Variants in ATF6 observed in about 807,000 individuals in gnomAD.
ATF6 encodes activating transcription factor 6, also known as cyclic AMP-dependent transcription factor ATF-6 alpha.
A neutral mutation model predicts 83.6 loss-of-function variants in ATF6; 53 were observed. The observed-to-expected ratio is 0.63, with a 90% CI of 0.51 to 0.80. The LOEUF is 0.80. Ranked by LOEUF, ATF6 falls within the 30% of genes least tolerant of loss-of-function variation. ATF6 has a pLI of 0.00. For synonymous variants in ATF6, 288 were observed against 285.8 expected, an observed-to-expected ratio of 1.01 and a Z score of -0.08; for missense variants, 744 against 797.9, an observed-to-expected ratio of 0.93 and a Z score of 0.81.
intron 14 of ATF6, among the ~76,000 whole-genome samples, chr1:161,866,052 G>A (rs1206533137): frequency 6.6e-6 from 1 of 152,096 alleles, no homozygotes; most frequent in Admixed American, 6.5e-5. Context: ...GAAGGATGTA[G>A]ACTTTTTCTC....
At chr1:161,914,380 T>TTA (rs1226051151) in intron 15 of ATF6, among the ~76,000 whole-genome samples, 1 of 152,126 alleles carries the variant, frequency 6.6e-6, no homozygotes, top group Admixed American at 6.5e-5. Context: ...ACATCACACT[T>TTA]TACTCCTCTA....
chr1:161,768,130 C>T (rs751417385), intron 1 of ATF6, among the ~76,000 whole-genome samples: 2 of 152,214 alleles, frequency 1.3e-5, no homozygotes, highest in Non-Finnish European at 2.9e-5. Flanking sequence ...GCTGGGATTA[C>T]GGGTGTGAGC....
rs532073949 is a variant in ATF6 at position 161,871,904 on chromosome 1, T to A, written c.1719+8592T>A. 2.0e-5 allele frequency among the ~76,000 whole-genome samples: 3 copies of A among 151,672 alleles called. No homozygotes were observed. In the South Asian group the frequency reaches 6.2e-4, roughly 31 times the overall value. On this transcript the variant is annotated intron_variant, in intron 14 of 15. Coordinates refer to ENST00000367942, the MANE Select transcript of ATF6 (RefSeq NM_007348.4). ...AGCTGTAGTATTGCTTTAAACTCTTTGAAGTTACTAAGTGATTCAATCTAG... is the reference window on the plus strand; with the variant it reads ...AGCTGTAGTATTGCTTTAAACTCTTAGAAGTTACTAAGTGATTCAATCTAG...
At chr1:161,865,499 G>T (rs1253743176) in intron 14 of ATF6, among the ~76,000 whole-genome samples, 3 of 152,152 alleles carry the variant, frequency 2.0e-5, no homozygotes, top group African/African-American at 7.2e-5. Flanking sequence ...AAAAGACAGT[G>T]AATGGCGGTT....
chr1:161,880,292 G>A (rs1687294464), intron 14 of ATF6, among the ~76,000 whole-genome samples: 1 of 151,834 alleles, frequency 6.6e-6, no homozygotes, highest in African/African-American at 2.4e-5. Context: ...ATAATAAACT[G>A]CACATATTTA....
At chr1:161,929,516 G>A (rs936118889) in intron 15 of ATF6, among the ~76,000 whole-genome samples, 4 of 152,196 alleles carry the variant, frequency 2.6e-5, no homozygotes, top group African/African-American at 7.2e-5. Flanking sequence ...TAGTTACAAG[G>A]AAGTCTGGGA....
intron 14 of ATF6, among the ~76,000 whole-genome samples, chr1:161,893,905 C>G (rs1687614446): frequency 1.3e-5 from 2 of 152,188 alleles, no homozygotes; most frequent in African/African-American, 4.8e-5. Context: ...TAAATTTTCT[C>G]CAATCCCTGG....
At chr1:161,879,743 C>T (rs1687286586) in intron 14 of ATF6, among the ~76,000 whole-genome samples, 1 of 152,060 alleles carries the variant, frequency 6.6e-6, no homozygotes, top group South Asian at 2.1e-4. Context: ...CTGACATCAT[C>T]AGGCATCTTT....
intron 1 of ATF6, among the ~76,000 whole-genome samples, chr1:161,774,306 A>G (rs1473045516): frequency 1.3e-5 from 2 of 152,010 alleles, no homozygotes; most frequent in African/African-American, 2.4e-5. Context: ...AAGAGGGGCA[A>G]GGGCAGAAGC....
At chr1:161,918,601 T>C (rs1035912465) in intron 15 of ATF6, among the ~76,000 whole-genome samples, 6 of 152,180 alleles carry the variant, frequency 3.9e-5, no homozygotes, top group African/African-American at 9.7e-5. Flanking sequence ...TACCTATTTA[T>C]TGAAAGAGCA....
At position 161,802,123 on chromosome 1, in the gene ATF6, C is replaced by T. The variant is rs1489902575; in HGVS notation, c.760C>T (p.Pro254Ser). The change falls in exon 7 of 16, where the codon CCA becomes TCA. Residue 254 changes from proline to serine, a missense_variant. Transcript: ENST00000367942. ...QAPGVLPSAQ[P>S]VLAVAGGVTQ... is the part of the protein sequence containing the mutation. ...ACCTGGAGTTCTGCCCTCTGCTCAG[C>T]CAGTCCTTGCTGTTGCTGGGGGAGT... 43 of 1,613,988 alleles carry T rather than the reference C, an allele frequency of 2.7e-5. No homozygotes were observed. The highest frequency in any genetic ancestry group is 3.6e-5 in the Non-Finnish European group (42 of 1,179,996).
chr1:161,924,179 C>A (rs1688266081), intron 15 of ATF6, among the ~76,000 whole-genome samples: 1 of 152,122 alleles, frequency 6.6e-6, no homozygotes, highest in Admixed American at 6.5e-5. Flanking sequence ...TGCAGTTACA[C>A]CAACTGGAAA....
chr1:161,782,754 A>G (rs1557957551), intron 3 of ATF6, among the ~76,000 whole-genome samples: 4 of 152,132 alleles, frequency 2.6e-5, no homozygotes, highest in Admixed American at 6.5e-5. Context: ...GTTTGCCTTC[A>G]TAGAATGTGG....
chr1:161,956,130 C>G (rs1451306841), intron 15 of ATF6, among the ~76,000 whole-genome samples: 2 of 152,194 alleles, frequency 1.3e-5, no homozygotes, highest in Non-Finnish European at 2.9e-5. Flanking sequence ...CTAATGACTT[C>G]TGCAGGTGGT....
intron 14 of ATF6, among the ~76,000 whole-genome samples, chr1:161,864,620 A>G (rs1319350885): frequency 6.6e-6 from 1 of 152,210 alleles, no homozygotes; most frequent in East Asian, 1.9e-4. Context: ...TTCAGTTATT[A>G]ATCAAACATG....
In ATF6 at chr1:161,904,386, G is replaced by A. The variant is rs970295030; in HGVS notation, c.1720-7910G>A. Among the ~76,000 whole-genome samples, 11 of 152,168 alleles carry A rather than the reference G, an allele frequency of 7.2e-5. No homozygotes were observed. The Middle Eastern group carries it at 0.01, about 141-fold the overall frequency. On this transcript the variant is annotated intron_variant, in intron 14 of 15. Transcript: ENST00000367942. ...GTGGATCACCTGAGGTCAGGAGTTCGAGACCAGCCTGGCCAACATAGCGAA... is the reference window on the plus strand; with the variant it reads ...GTGGATCACCTGAGGTCAGGAGTTCAAGACCAGCCTGGCCAACATAGCGAA...
chr1:161,795,168 C>T (rs917385656), intron 6 of ATF6, among the ~76,000 whole-genome samples: 1 of 152,046 alleles, frequency 6.6e-6, no homozygotes, highest in African/African-American at 2.4e-5. Flanking sequence ...ATTCCTTGCT[C>T]TCAAGAATTC....
intron 2 of ATF6, among the ~76,000 whole-genome samples, chr1:161,780,352 C>T (rs1415932214): frequency 6.6e-6 from 1 of 151,454 alleles, no homozygotes; most frequent in African/African-American, 2.4e-5. Context: ...CTTTTTTTGC[C>T]TGAGGTGTAT....
Position 161,860,263 on chromosome 1 carries a change from C to T in ATF6, c.1590C>T (p.Thr530=). Residue 530 remains threonine, a synonymous_variant, in exon 13 of 16, where the codon ACC becomes ACT. Transcript: ENST00000367942. The part of the protein sequence containing the change: ...SQLMAVQYTE[T]TSSISRNSGS... ...TGATGGCTGTTCAATACACAGAAAC[C>T]ACTAGTAGTATCAGGTAAGACAGTG... 6.3e-7 allele frequency: 1 copy of T among 1,599,994 alleles called. No homozygotes were observed. Among genetic ancestry groups the T allele is most frequent in the East Asian group, 2.2e-5 (1 of 44,564 alleles).
Sources: gnomAD v4.1 joint callset for allele counts (sites outside exome capture counted in the v4.1 genomes callset) on GRCh38, gnomAD v4.1.1 for gene constraint, MANE v1.5 for transcripts, NCBI Gene and HGNC (gene_info 2026-07-23, HGNC 2026-07-21) for gene names.